RSPO3: variants seen among roughly 807,000 people sequenced by gnomAD.
RSPO3 encodes the protein R-spondin-3.
A neutral mutation model predicts 36.5 loss-of-function variants in RSPO3; 17 were observed. The observed-to-expected ratio is 0.47, with a 90% CI of 0.32 to 0.70. The LOEUF (loss-of-function observed/expected upper bound fraction) is 0.70, where lower values mean the gene tolerates loss of function less well. Among genes scored for constraint, RSPO3 ranks in the 30% least tolerant of loss-of-function variants. RSPO3 has a pLI of 0.04. For missense variants in RSPO3, 294 were observed against 322.5 expected, an observed-to-expected ratio of 0.91 and a Z score of 0.68; for synonymous variants, 108 against 107.0, an observed-to-expected ratio of 1.01 and a Z score of -0.06.
intron 1 of RSPO3, among the ~76,000 whole-genome samples, chr6:127,122,226 A>C (rs186452170): frequency 6.6e-6 from 1 of 152,332 alleles, no homozygotes; most frequent in Admixed American, 6.5e-5. Context: ...GTTTCTTCTC[A>C]TAAAAGAAAC....
chr6:127,167,314 T>C (rs1256775771), intron 4 of RSPO3, among the ~76,000 whole-genome samples: 1 of 151,880 alleles, frequency 6.6e-6, no homozygotes, highest in Non-Finnish European at 1.5e-5. Flanking sequence ...GTGTGTTGTT[T>C]TCCCTCGTGT....
chr6:127,121,990 C>CTG (rs58467836), intron 1 of RSPO3, among the ~76,000 whole-genome samples: 82,743 of 151,766 alleles, frequency 0.55, 22,580 homozygotes, highest in African/African-American at 0.61. Context: ...GTGTTAAAAA[C>CTG]TTCTACAAAA....
chr6:127,127,760 G>A (rs1209386826), intron 1 of RSPO3, among the ~76,000 whole-genome samples: 1 of 151,840 alleles, frequency 6.6e-6, no homozygotes, highest in Non-Finnish European at 1.5e-5. Context: ...CAATCATGGT[G>A]CATTTTCTAA....
chr6:127,131,049 C>G (rs1306154839), intron 1 of RSPO3, among the ~76,000 whole-genome samples: 1 of 152,054 alleles, frequency 6.6e-6, no homozygotes, highest in African/African-American at 2.4e-5. Flanking sequence ...TCTAAGACAT[C>G]CAGCCAACTT....
At chr6:127,194,252 T>C (rs1024626935) in intron 4 of RSPO3, among the ~76,000 whole-genome samples, 12 of 152,236 alleles carry the variant, frequency 7.9e-5, no homozygotes, top group African/African-American at 2.7e-4. Flanking sequence ...CTTCAGGACA[T>C]GAAAATATTT....
At chr6:127,154,355 T>C (rs1774551289) in intron 3 of RSPO3, among the ~76,000 whole-genome samples, 2 of 152,018 alleles carry the variant, frequency 1.3e-5, no homozygotes, top group Admixed American at 6.6e-5. Context: ...TCTTTAGAAG[T>C]TCAAAAATCT....
intron 4 of RSPO3, among the ~76,000 whole-genome samples, chr6:127,161,332 C>T (rs1221135141): frequency 2.0e-5 from 3 of 152,012 alleles, no homozygotes; most frequent in African/African-American, 7.2e-5. Flanking sequence ...CATTTTACAT[C>T]CTATTGTATG....
At chr6:127,147,654 T>C (rs1774414904) in intron 1 of RSPO3, among the ~76,000 whole-genome samples, 3 of 152,306 alleles carry the variant, frequency 2.0e-5, no homozygotes, top group South Asian at 2.1e-4. Flanking sequence ...AAAGTTGTGA[T>C]GATCTTAAGC....
chr6:127,142,131 G>C (rs1774284628), intron 1 of RSPO3, among the ~76,000 whole-genome samples: 2 of 152,034 alleles, frequency 1.3e-5, no homozygotes, highest in Non-Finnish European at 2.9e-5. Flanking sequence ...GAATAAACCT[G>C]TATTCACCCA....
intron 4 of RSPO3, among the ~76,000 whole-genome samples, chr6:127,170,018 A>G (rs1774904236): frequency 1.3e-5 from 2 of 151,794 alleles, no homozygotes; most frequent in South Asian, 4.1e-4. Flanking sequence ...GGTATTCTGT[A>G]AAGCAGATTT....
intron 3 of RSPO3, among the ~76,000 whole-genome samples, chr6:127,153,006 CACT>C (rs1774520039): frequency 6.6e-6 from 1 of 152,092 alleles, no homozygotes. Flanking sequence ...CCAGTAAAGT[CACT>C]ACTAATAGGA....
chr6:127,139,543 A>C (rs904556784), intron 1 of RSPO3, among the ~76,000 whole-genome samples: 1,900 of 103,012 alleles, frequency 0.018, 36 homozygotes, highest in African/African-American at 0.067. Flanking sequence ...AAAAAAATAT[A>C]TCTTTTTTTT....
At chr6:127,192,569 C>A in intron 4 of RSPO3, 1 of 705,722 alleles carries the variant, frequency 1.4e-6, no homozygotes, top group Non-Finnish European at 1.7e-6. Context: ...TAGTGCTTCT[C>A]TGCAAGGGCT....
intron 4 of RSPO3, among the ~76,000 whole-genome samples, chr6:127,160,953 AT>A (rs951462699): frequency 9.3e-5 from 14 of 151,254 alleles, no homozygotes; most frequent in African/African-American, 2.4e-4. Context: ...TTTATTTGAT[AT>A]TTTTTTCTCC....
chr6:127,195,911 C>A lies in RSPO3; in HGVS notation c.723C>A (p.Ser241Arg), dbSNP rs1239930134. The A allele has an allele frequency of 6.2e-7, 1 of 1,613,076 alleles. No individual in the cohort carries two copies. The highest frequency in any genetic ancestry group is 1.3e-5 in the African/African-American group (1 of 74,966). ...AIPDSKSLES[S>R]KEIPEQRENK... ...CTGACAGCAAAAGTCTGGAATCCAGCAAAGAAATCCCAGAGCAACGAGAAA... is the reference window on the plus strand; with the variant it reads ...CTGACAGCAAAAGTCTGGAATCCAGAAAAGAAATCCCAGAGCAACGAGAAA... The change falls in exon 5 of 5, where the codon AGC becomes AGA. Residue 241 changes from serine to arginine, a missense_variant. By Grantham distance (110) the Ser-to-Arg change is moderately radical. Around this residue, in one of 3 missense-constraint regions of RSPO3, gnomAD observed 190 missense variants for 185.2 expected, o/e 1.03. Coordinates refer to ENST00000356698, the MANE Select transcript of RSPO3 (RefSeq NM_032784.5).
At chr6:127,164,388 A>C (rs1006656241) in intron 4 of RSPO3, among the ~76,000 whole-genome samples, 1 of 152,106 alleles carries the variant, frequency 6.6e-6, no homozygotes, top group African/African-American at 2.4e-5. Flanking sequence ...TCTACAAGAT[A>C]ATCCCTTTTC....
Position 127,154,393 on chromosome 6 carries a change from A to G in RSPO3, c.437-848A>G, listed in dbSNP as rs570959587. Among the ~76,000 whole-genome samples the G allele has an allele frequency of 2.0e-5, 3 of 152,280 alleles. No homozygotes were observed. In the East Asian group the frequency reaches 5.8e-4, roughly 29 times the overall value. On this transcript the variant is annotated intron_variant, in intron 3 of 4. Transcript: ENST00000356698. ...TACAACCTGAGAAAGCCGTTATTGA[A>G]AAAAAGAAACTAATACAGAAAAAGG...
chr6:127,153,673 C>T (rs1159990042), intron 3 of RSPO3, among the ~76,000 whole-genome samples: 3 of 151,986 alleles, frequency 2.0e-5, no homozygotes, highest in African/African-American at 4.8e-5. Flanking sequence ...GAAAGAGCAC[C>T]GAAGTTCTGG....
intron 4 of RSPO3, among the ~76,000 whole-genome samples, chr6:127,173,544 TA>T (rs1022867004): frequency 2.0e-5 from 3 of 151,680 alleles, no homozygotes; most frequent in Non-Finnish European, 4.4e-5. Flanking sequence ...TAAAATTTAC[TA>T]AAAAAAATGT....
Sources: allele counts gnomAD v4.1 joint callset (sites outside exome capture counted in the v4.1 genomes callset), GRCh38; gene constraint gnomAD v4.1.1; regional missense constraint gnomAD v4.1.1; transcripts MANE v1.5; gene names NCBI Gene and HGNC (gene_info 2026-07-23, HGNC 2026-07-21).